Variants in YIPF2 observed in about 807,000 individuals in gnomAD.
The protein encoded by YIPF2 is protein YIPF2.
Under a neutral mutation model 38.8 loss-of-function variants are expected in YIPF2, and 30 were observed. The observed-to-expected ratio is 0.77, with a 90% CI of 0.58 to 1.05. YIPF2 has a LOEUF of 1.05. Ranked by LOEUF, YIPF2 falls within the 50% of genes least tolerant of loss-of-function variation. YIPF2 has a pLI of 0.00. For missense variants in YIPF2, 401 were observed against 409.7 expected (o/e 0.98, Z 0.18); for synonymous variants, 194 against 183.8 (o/e 1.06, Z -0.45).
Position 10,923,259 on chromosome 19 carries a change from G to T in YIPF2, c.*19+13C>A. 1.3e-6 allele frequency: 2 copies of T among 1,581,958 alleles called. No homozygotes were observed. The highest frequency in any genetic ancestry group is 1.7e-6 in the Non-Finnish European group (2 of 1,165,726). ...AGGGCAGCCCCCTTAGCCCAGCTGG[G>T]AATAGTCCTTACCTGTGGGACCCGG... On this transcript the variant is annotated intron_variant, in intron 9 of 9. Coordinates refer to ENST00000586748, the MANE Select transcript of YIPF2 (RefSeq NM_001321439.2).
chr19:10,924,695 ACT>A (rs966300220), intron 5 of YIPF2, among the ~76,000 whole-genome samples: 89 of 151,460 alleles, frequency 5.9e-4, no homozygotes, highest in African/African-American at 2.0e-3. Context: ...ATACGTGGCA[ACT>A]CTATCCATCC....
intron 8 of YIPF2, 43 bp from the exon 9 acceptor site, chr19:10,923,450 C>T (rs1325239723): frequency 1.2e-6 from 2 of 1,612,822 alleles, no homozygotes; most frequent in Middle Eastern, 1.7e-4. Context: ...CAGCCCATGC[C>T]CCCCTAGCCC....
At chr19:10,924,804 C>T (rs1413894436) in intron 5 of YIPF2, among the ~76,000 whole-genome samples, 1 of 143,440 alleles carries the variant, frequency 7.0e-6, no homozygotes, top group African/African-American at 2.5e-5. Flanking sequence ...GTCTCTTCTA[C>T]TTCCCCAGCA....
chr19:10,924,307 C>T, intron 5 of YIPF2, 115 bp from the exon 6 acceptor site: 1 of 915,274 alleles, frequency 1.1e-6, no homozygotes, highest in Non-Finnish European at 1.6e-6. Context: ...CCTTGCCTGA[C>T]TCACCAGGAC....
Position 10,923,968 on chromosome 19 carries a change from A to T in YIPF2, c.516T>A (p.Tyr172Ter). 1 of 1,613,448 alleles carries T rather than the reference A, an allele frequency of 6.2e-7. No individual in the cohort carries two copies. Among genetic ancestry groups the T allele is most frequent in the Non-Finnish European group, 8.5e-7 (1 of 1,179,790 alleles). ...VTVAGISIYC[Y>*]AWLVPLALWG... ...ACAGGGCCAGGGGCACCAGCCACGC[A>T]TAGCAGTAGATGCTGATGCCTGCCA... The change falls in exon 7 of 10, where the codon TAT becomes TAA. Residue 172 changes from tyrosine to a stop codon, truncating the protein, a stop_gained. Coordinates refer to ENST00000586748, the MANE Select transcript of YIPF2 (RefSeq NM_001321439.2). LOFTEE classifies it high-confidence loss of function.
At chr19:10,928,018 G>A (rs2083454213) in intron 2 of YIPF2, 59 bp from the exon 3 acceptor site, 4 of 1,563,436 alleles carry the variant, frequency 2.6e-6, no homozygotes, top group Non-Finnish European at 3.5e-6. Context: ...ACTCGACTGG[G>A]CCCAAGCTAA....
Position 10,923,105 on chromosome 19 carries a change from T to G in YIPF2, c.*89A>C. 1 of 555,674 alleles carries G rather than the reference T, an allele frequency of 1.8e-6. No individual in the cohort carries two copies. Among genetic ancestry groups the G allele is most frequent in the Non-Finnish European group, 3.1e-6 (1 of 320,250 alleles). The allele number at this position is 555,674 out of a possible 1,614,324, so 34.4% of individuals were successfully genotyped here. On this transcript the variant is annotated 3_prime_UTR_variant, in exon 10 of 10. Coordinates refer to ENST00000586748, the MANE Select transcript of YIPF2 (RefSeq NM_001321439.2). ...GGAAAGTAGCAGAATCATCTCAAGG[T>G]GTCAAAGGAGCCTTCAGTCATCGTC...
intron 2 of YIPF2, 60 bp downstream of exon 2, chr19:10,928,320 G>T (rs557822578): frequency 4.5e-6 from 6 of 1,336,482 alleles, no homozygotes; most frequent in Non-Finnish European, 3.9e-6. Flanking sequence ...AGCCGTATCG[G>T]GGGGAGGTTC....
rs753560687 is a variant in YIPF2, at chr19:10,923,922, T to C, written c.562A>G (p.Lys188Glu). 4.3e-6 allele frequency: 7 copies of C among 1,613,178 alleles called. No individual in the cohort carries two copies. The Admixed American group carries it at 1.2e-4, about 27-fold the overall frequency. The change falls in exon 7 of 10, where the codon AAG (lysine) becomes GAG (glutamate). Residue 188 changes from lysine to glutamate, a missense_variant. Transcript: ENST00000586748. ...GGCCCCATGCGCTCCTGGACACCCT[T>C]GCGCCACCGCAGGAAGCCCCACAGG... ...LALWGFLRWR[K>E]GVQERMGPYT... is the part of the protein sequence containing the mutation.
Position 10,926,136 on chromosome 19 carries a change from C to A in YIPF2, c.280-363G>T, listed in dbSNP as rs991026898. 2.6e-5 allele frequency among the ~76,000 whole-genome samples: 4 copies of A among 152,152 alleles called. 1 individual carries two copies. Among genetic ancestry groups the A allele is most frequent in the Admixed American group, 6.5e-5 (1 of 15,274 alleles). ...ATGTTGGCCAGGCTGGTCTCGAACTCCTGACCTCAGGTAATCCACCCACCT... is the reference window on the plus strand; with the variant it reads ...ATGTTGGCCAGGCTGGTCTCGAACTACTGACCTCAGGTAATCCACCCACCT... On this transcript the variant is annotated intron_variant, in intron 4 of 9. Coordinates refer to ENST00000586748, the MANE Select transcript of YIPF2 (RefSeq NM_001321439.2).
intron 5 of YIPF2, 44 bp downstream of exon 5, chr19:10,925,642 T>TG: frequency 6.2e-7 from 1 of 1,611,522 alleles, no homozygotes; most frequent in Non-Finnish European, 8.5e-7. Context: ...AGGCCACACT[T>TG]GTTGAGTGAT....
Position 10,927,830 on chromosome 19 carries a change from T to C in YIPF2, c.161A>G (p.Asp54Gly), listed in dbSNP as rs763443041. The C allele has an allele frequency of 1.9e-6, 3 of 1,609,268 alleles. No homozygotes were observed. Among genetic ancestry groups the C allele is most frequent in the Non-Finnish European group, 2.5e-6 (3 of 1,176,954 alleles). Residue 54 changes from aspartate to glycine, a missense_variant, in exon 3 of 10, where the codon GAT becomes GGT. Asp to Gly is a moderately conservative substitution (Grantham distance 94, BLOSUM62 -1). Transcript: ENST00000586748. ...VGSGGSYGAE[D>G]EVEEESDKAA... ...CTTGTCACTCTCCTCCTCCACCTCA[T>C]CCTCGGCTCCATAGCTGCCACCTGA...
chr19:10,923,215 CGCCTT>C (rs2074292326), intron 9 of YIPF2, 41 bp from the exon 10 acceptor site: 3 of 1,434,994 alleles, frequency 2.1e-6, no homozygotes, highest in African/African-American at 2.9e-5. Flanking sequence ...CAGAACCTCT[CGCCTT>C]GACTGGGAGT....
rs759159009 is a variant in YIPF2 at position 10,924,094 on chromosome 19, T to C, written c.466A>G (p.Ser156Gly). The C allele has an allele frequency of 6.2e-7, 1 of 1,613,820 alleles. No individual in the cohort carries two copies. Among genetic ancestry groups the C allele is most frequent in the South Asian group, 1.1e-5 (1 of 91,084 alleles). ...AQRRDPSIHY[S>G]PQFHKVTVAG... ...TGCTTACCCTTGTGGAACTGGGGGC[T>C]GTAGTGGATGGAGGGGTCCCTCCTC... Residue 156 changes from serine to glycine, a missense_variant, in exon 6 of 10, where the codon AGC becomes GGC. Coordinates refer to ENST00000586748, the MANE Select transcript of YIPF2 (RefSeq NM_001321439.2).
intron 4 of YIPF2, 130 bp from the exon 5 acceptor site, chr19:10,925,903 CTCTT>C (rs1568364528): frequency 4.7e-6 from 3 of 635,654 alleles, no homozygotes; most frequent in East Asian, 3.1e-5. Context: ...GCCTTTCCCT[CTCTT>C]TTTTTTTTTT....
chr19:10,923,891 G>A lies in YIPF2; in HGVS notation c.593C>T (p.Thr198Ile), dbSNP rs1157271674. ...GTAGATGCACACAGTCTCCAGGAAG[G>A]TGTAGGGCCCCATGCGCTCCTGGAC... ...KGVQERMGPY[T>I]FLETVCIYGY... is the part of the protein sequence containing the mutation. Residue 198 changes from threonine (T) to isoleucine (I), a missense_variant, in exon 7 of 10, where the codon ACC (threonine) becomes ATC (isoleucine). Transcript: ENST00000586748. 4 of 1,613,352 alleles carry A rather than the reference G, an allele frequency of 2.5e-6. No individual in the cohort carries two copies. Among genetic ancestry groups the A allele is most frequent in the South Asian group, 2.2e-5 (2 of 90,958 alleles).
chr19:10,926,933 G>A (rs754017611), intron 4 of YIPF2, among the ~76,000 whole-genome samples: 5 of 151,960 alleles, frequency 3.3e-5, no homozygotes, highest in Non-Finnish European at 7.4e-5. Context: ...GCACTGGCAC[G>A]ATCTTGGCTC....
Position 10,923,378 on chromosome 19 carries a change from C to T in YIPF2, c.864G>A (p.Glu288=). The part of the protein sequence containing the change: ...KLYFFQSLPP[E]NVAPPPQITS... ...TGATTTGGGGTGGAGGAGCCACGTTCTCCGGAGGCAGCGACTGGAAGAAGT... is the reference window on the plus strand; with the variant it reads ...TGATTTGGGGTGGAGGAGCCACGTTTTCCGGAGGCAGCGACTGGAAGAAGT... Residue 288 remains glutamate, a synonymous_variant, in exon 9 of 10, where the codon GAG becomes GAA. Transcript: ENST00000586748. 1.2e-6 allele frequency: 2 copies of T among 1,613,624 alleles called. No individual in the cohort carries two copies. The highest frequency in any genetic ancestry group is 1.7e-6 in the Non-Finnish European group (2 of 1,179,772).
At position 10,922,805 on chromosome 19, in the gene YIPF2, T is replaced by G. The variant is rs978948294; in HGVS notation, c.*389A>C. 6.5e-6 allele frequency: 1 copy of G among 153,562 alleles called. No homozygotes were observed. The highest frequency in any genetic ancestry group is 6.5e-5 in the Admixed American group (1 of 15,328). The allele number at this position is 153,562 out of a possible 1,614,324, so 9.5% of individuals were successfully genotyped here. A position where few individuals can be genotyped will look rare whatever the true frequency, so the allele number is the denominator to read the frequency against. On this transcript the variant is annotated 3_prime_UTR_variant, in exon 10 of 10. Transcript: ENST00000586748. ...CAGTTTTCTTCTCCTTCTGCTCCCCTGTTTCTCATACCCCCAAACTCAGAT... is the reference window on the plus strand; with the variant it reads ...CAGTTTTCTTCTCCTTCTGCTCCCCGGTTTCTCATACCCCCAAACTCAGAT...
Sources: gnomAD v4.1 joint callset for allele counts (sites outside exome capture counted in the v4.1 genomes callset) on GRCh38, gnomAD v4.1.1 for gene constraint, MANE v1.5 for transcripts, NCBI Gene and HGNC (gene_info 2026-07-23, HGNC 2026-07-21) for gene names.